The following ANP32A variants were observed in gnomAD, a reference collection of about 807,000 sequenced individuals.
The protein encoded by ANP32A is acidic nuclear phosphoprotein 32 family member A, also known as acidic leucine-rich nuclear phosphoprotein 32 family member A.
In ANP32A, 1 loss-of-function variant was observed where a neutral mutation model predicts 33.9. The ratio of observed to expected loss-of-function variants is 0.03; its 90% CI spans 0.01 to 0.14. The LOEUF is 0.14. ANP32A is among the 10% of genes least tolerant of loss of function. The probability of loss-of-function intolerance (pLI) is 1.00; values close to 1 mark genes in which losing one functional copy is unlikely to be tolerated. For missense variants in ANP32A, 155 were observed against 306.0 expected, an observed-to-expected ratio of 0.51 and a Z score of 3.68; for synonymous variants, 115 against 120.5, an observed-to-expected ratio of 0.95 and a Z score of 0.30.
intron 1 of ANP32A, among the ~76,000 whole-genome samples, chr15:68,818,555 T>C (rs1213214092): frequency 1.3e-5 from 2 of 151,524 alleles, no homozygotes; most frequent in Non-Finnish European, 2.9e-5. Flanking sequence ...GCCGCGAGGC[T>C]GGGAGGCGAG....
At chr15:68,799,529 G>C (rs1324043296) in intron 1 of ANP32A, among the ~76,000 whole-genome samples, 1 of 152,176 alleles carries the variant, frequency 6.6e-6, no homozygotes, top group Non-Finnish European at 1.5e-5. Flanking sequence ...AGAGAGTCAG[G>C]GAGGGTCCAC....
chr15:68,788,505 C>T (rs901421709), intron 1 of ANP32A, among the ~76,000 whole-genome samples: 1 of 152,226 alleles, frequency 6.6e-6, no homozygotes, highest in Non-Finnish European at 1.5e-5. Flanking sequence ...TCTAGCCCAG[C>T]ACTGTCCAAC....
At chr15:68,781,845 C>T (rs1345187099) in intron 5 of ANP32A, among the ~76,000 whole-genome samples, 1 of 152,172 alleles carries the variant, frequency 6.6e-6, no homozygotes, top group Non-Finnish European at 1.5e-5. Context: ...CTCAAGTGAT[C>T]CGCCCGCCTC....
At position 68,778,933 on chromosome 15, in the gene ANP32A, A is replaced by T. The variant is rs1383911334; in HGVS notation, c.*1148T>A. The T allele has an allele frequency of 6.6e-6, 1 of 152,198 alleles. No homozygotes were observed. Among genetic ancestry groups the T allele is most frequent in the Non-Finnish European group, 1.5e-5 (1 of 68,042 alleles). The allele number at this position is 152,198 out of a possible 1,614,324, so 9.4% of individuals were successfully genotyped here. ...TGTATAAAAAGATTTATTGAAATTT[A>T]TCAATGACAAACAGACATAAAACTC... On this transcript the variant is annotated 3_prime_UTR_variant, in exon 7 of 7. Coordinates refer to ENST00000465139, the MANE Select transcript of ANP32A (RefSeq NM_006305.4).
At chr15:68,819,439 GT>G (rs1444677584) in intron 1 of ANP32A, among the ~76,000 whole-genome samples, 1 of 152,242 alleles carries the variant, frequency 6.6e-6, no homozygotes, top group Non-Finnish European at 1.5e-5. Context: ...TCCCACCCGT[GT>G]AAGTTTCCTC....
intron 1 of ANP32A, chr15:68,801,936 T>C (rs770237037): frequency 1.9e-5 from 3 of 154,386 alleles, no homozygotes; most frequent in Non-Finnish European, 4.4e-5. Context: ...TCAAACATCC[T>C]GAGAGGGCCA....
chr15:68,818,509 C>T (rs1894421348), intron 1 of ANP32A, among the ~76,000 whole-genome samples: 1 of 152,146 alleles, frequency 6.6e-6, no homozygotes, highest in Non-Finnish European at 1.5e-5. Context: ...GCCACCCGCG[C>T]CCCACCCCGC....
At position 68,780,560 on chromosome 15, in the gene ANP32A, G is replaced by C. The variant is rs1375018414; in HGVS notation, c.625-87C>G. The C allele has an allele frequency of 6.4e-7, 1 of 1,573,118 alleles. No homozygotes were observed. ...GCCACACAGAGCACAAAAAGGCCGG[G>C]GTCACCCCCAGCCTCTCAGAGCCCC... On this transcript the variant is annotated intron_variant, in intron 5 of 6. Coordinates refer to ENST00000465139, the MANE Select transcript of ANP32A (RefSeq NM_006305.4). The surrounding 1 kb of genome is among the most constrained non-coding windows in gnomAD (Gnocchi z 4.3).
chr15:68,784,608 A>G lies in ANP32A; in HGVS notation c.328-13T>C. 6.2e-7 allele frequency: 1 copy of G among 1,613,986 alleles called. No individual in the cohort carries two copies. Among genetic ancestry groups the G allele is most frequent in the East Asian group, 2.2e-5 (1 of 44,886 alleles). ...TTTCTAACTTTTTCTGCAAGCGGAAAAATGAAGCCAACAGTAAGTGATTTG... is the reference window on the plus strand; with the variant it reads ...TTTCTAACTTTTTCTGCAAGCGGAAGAATGAAGCCAACAGTAAGTGATTTG... On this transcript the variant is annotated splice_polypyrimidine_tract_variant and intron_variant, in intron 3 of 6. Coordinates refer to ENST00000465139, the MANE Select transcript of ANP32A (RefSeq NM_006305.4).
At chr15:68,792,451 G>T (rs1432999909) in intron 1 of ANP32A, among the ~76,000 whole-genome samples, 1 of 152,180 alleles carries the variant, frequency 6.6e-6, no homozygotes, top group Non-Finnish European at 1.5e-5. Context: ...TCAGATTGCT[G>T]GGGGTCCTGT....
At chr15:68,788,147 G>A (rs1893956337) in intron 1 of ANP32A, among the ~76,000 whole-genome samples, 1 of 152,282 alleles carries the variant, frequency 6.6e-6, no homozygotes, top group South Asian at 2.1e-4. Flanking sequence ...GGCCTGTGGT[G>A]AGCCGAGCTG....
At chr15:68,792,208 A>G (rs1486097557) in intron 1 of ANP32A, 1 of 152,134 alleles carries the variant, frequency 6.6e-6, no homozygotes, top group Non-Finnish European at 1.5e-5. Context: ...TTAAACTGAA[A>G]ATTTGTACTT....
intron 4 of ANP32A, among the ~76,000 whole-genome samples, chr15:68,784,012 T>C (rs1186595678): frequency 6.6e-6 from 1 of 152,054 alleles, no homozygotes; most frequent in Non-Finnish European, 1.5e-5. Context: ...TAAGTGCGGG[T>C]CACACTACAG....
chr15:68,811,121 G>C (rs73429149), intron 1 of ANP32A, among the ~76,000 whole-genome samples: 7,331 of 148,080 alleles, frequency 0.05, 564 homozygotes, highest in African/African-American at 0.16. Context: ...TGCAAGATAA[G>C]AAATGAAGGC....
rs1010600365 is a variant in ANP32A at position 68,803,947 on chromosome 15, G to A, written c.55-16028C>T. Among the ~76,000 whole-genome samples the A allele has an allele frequency of 4.0e-5, 6 of 151,532 alleles. No individual in the cohort carries two copies. In the East Asian group the frequency reaches 5.8e-4, roughly 15 times the overall value. On this transcript the variant is annotated intron_variant, in intron 1 of 6. Transcript: ENST00000465139. ...CTCCTGAGTAGCTGGGATTACAGGCGTGCACCACCAAGCCCAGTTAATTTT... is the reference window on the plus strand; with the variant it reads ...CTCCTGAGTAGCTGGGATTACAGGCATGCACCACCAAGCCCAGTTAATTTT...
intron 1 of ANP32A, among the ~76,000 whole-genome samples, chr15:68,806,108 A>G (rs1265466195): frequency 6.6e-6 from 1 of 152,182 alleles, no homozygotes; most frequent in Non-Finnish European, 1.5e-5. Context: ...GTGTATTTGC[A>G]GAAACCACCC....
intron 1 of ANP32A, chr15:68,802,009 A>G (rs950477085): frequency 3.3e-5 from 5 of 153,116 alleles, no homozygotes; most frequent in Admixed American, 3.3e-4. Context: ...TCTCCTGGAA[A>G]AGTCCATGAA....
At chr15:68,789,200 A>G (rs1209569378) in intron 1 of ANP32A, 1 of 152,738 alleles carries the variant, frequency 6.5e-6, no homozygotes, top group African/African-American at 2.4e-5. Flanking sequence ...TCAGCCCAGG[A>G]CACAGCAGCC....
intron 1 of ANP32A, chr15:68,791,265 C>T (rs1016479794): frequency 6.6e-6 from 1 of 152,202 alleles, no homozygotes; most frequent in African/African-American, 2.4e-5. Flanking sequence ...TAGGCAGTTT[C>T]CCTGGGTCTT....
Sources: allele counts gnomAD v4.1 joint callset (sites outside exome capture counted in the v4.1 genomes callset), GRCh38; gene constraint gnomAD v4.1.1; non-coding constraint Gnocchi (gnomAD v3.1); transcripts MANE v1.5; gene names NCBI Gene and HGNC (gene_info 2026-07-23, HGNC 2026-07-21).